SCG3: variants seen among roughly 807,000 people sequenced by gnomAD.
SCG3 encodes the protein secretogranin III.
A neutral mutation model predicts 56.2 loss-of-function variants in SCG3; 38 were observed. The observed-to-expected ratio is 0.68, with a 90% confidence interval of 0.52 to 0.89. SCG3 has a LOEUF of 0.89. SCG3 is among the 40% of genes least tolerant of loss of function. The probability of loss-of-function intolerance (pLI) is 0.00; values close to 1 mark genes in which losing one functional copy is unlikely to be tolerated. For missense variants in SCG3, 524 were observed against 540.7 expected (o/e 0.97, Z 0.31); for synonymous variants, 176 against 184.2 (o/e 0.96, Z 0.36).
At chr15:51,697,533 T>C (rs977944924) in intron 8 of SCG3, among the ~76,000 whole-genome samples, 2 of 152,206 alleles carry the variant, frequency 1.3e-5, no homozygotes, top group Non-Finnish European at 2.9e-5. Context: ...CACATGTAGC[T>C]AGTAGCTACC....
At position 51,716,065 on chromosome 15, in the gene SCG3, G is replaced by T. The variant is rs77934251; in HGVS notation, c.1288+2652G>T. Among the ~76,000 whole-genome samples the T allele has an allele frequency of 2.8e-3, 427 of 152,322 alleles. 15 individuals carry two copies. In the East Asian group the frequency reaches 0.064, roughly 23 times the overall value. On this transcript the variant is annotated intron_variant, in intron 11 of 11. Coordinates refer to ENST00000220478, the MANE Select transcript of SCG3 (RefSeq NM_013243.4). The stretch of plus-strand genomic sequence containing the variant: ...GTTGACATGGGGTTTCACCGTGTTA[G>T]CCTGGATGGCCTCAATCTCGTGACC...
rs192332045 is a variant in SCG3, at chr15:51,697,337, T to C, written c.985+1346T>C. On this transcript the variant is annotated intron_variant, in intron 8 of 11. Coordinates refer to ENST00000220478, the MANE Select transcript of SCG3 (RefSeq NM_013243.4). ...ATTCCACACTTAGTCAATTATCCTA[T>C]GGAAATAAATCAAAAATGCCTCAAA... Among the ~76,000 whole-genome samples, 12 of 152,280 alleles carry C rather than the reference T, an allele frequency of 7.9e-5. No individual in the cohort carries two copies. In the East Asian group the frequency reaches 2.1e-3, roughly 27 times the overall value.
At position 51,711,961 on chromosome 15, in the gene SCG3, G is replaced by A. The variant is rs555490948; in HGVS notation, c.1208-1372G>A. On this transcript the variant is annotated intron_variant, in intron 10 of 11. Coordinates refer to ENST00000220478, the MANE Select transcript of SCG3 (RefSeq NM_013243.4). ...AGAGTCACTTAGGTAAATACAGTGCGGGCAATTGGAACATGGGCAACTCTT... is the reference window on the plus strand; with the variant it reads ...AGAGTCACTTAGGTAAATACAGTGCAGGCAATTGGAACATGGGCAACTCTT... Among the ~76,000 whole-genome samples the A allele has an allele frequency of 7.9e-5, 12 of 152,224 alleles. No individual in the cohort carries two copies. The East Asian group carries it at 1.2e-3, about 15-fold the overall frequency.
At position 51,694,800 on chromosome 15, in the gene SCG3, G is replaced by A. The variant is rs182803025; in HGVS notation, c.869-1075G>A. Among the ~76,000 whole-genome samples the A allele has an allele frequency of 2.6e-4, 40 of 152,334 alleles. No homozygotes were observed. In the East Asian group the frequency reaches 6.9e-3, roughly 26 times the overall value. ...AATCCCCACACTTTGGGAGGCCAAG[G>A]AGGGCGGATCGCCTGAGGTCAGGAG... On this transcript the variant is annotated intron_variant, in intron 7 of 11. Transcript: ENST00000220478.
chr15:51,691,016 A>T (rs549826564), intron 6 of SCG3, among the ~76,000 whole-genome samples: 2 of 152,322 alleles, frequency 1.3e-5, no homozygotes, highest in East Asian at 3.9e-4. Context: ...GAGGAAAGAA[A>T]CATGGTTCTA....
At position 51,717,395 on chromosome 15, in the gene SCG3, T is replaced by C. The variant is rs1272439378; in HGVS notation, c.1289-2013T>C. Among the ~76,000 whole-genome samples the C allele has an allele frequency of 4.1e-5, 6 of 146,120 alleles. No homozygotes were observed. In the South Asian group the frequency reaches 1.3e-3, roughly 32 times the overall value. Reference sequence around the variant, plus strand: ...AAAAAAAAAAAAAATTAGCCAGGTGTGGTGGTGTGCGCTTGTAGTCCCAAG... The same window carrying C: ...AAAAAAAAAAAAAATTAGCCAGGTGCGGTGGTGTGCGCTTGTAGTCCCAAG... On this transcript the variant is annotated intron_variant, in intron 11 of 11. Coordinates refer to ENST00000220478, the MANE Select transcript of SCG3 (RefSeq NM_013243.4).
In SCG3 at chr15:51,713,423, A is replaced by C. The variant is rs2055433623; in HGVS notation, c.1288+10A>C. The C allele has an allele frequency of 6.4e-7, 1 of 1,563,916 alleles. No individual in the cohort carries two copies. Among genetic ancestry groups the C allele is most frequent in the African/African-American group, 1.4e-5 (1 of 72,742 alleles). ...AAGGGAAATAAAGAAGGTAGGACCA[A>C]GTGTGGTTGTACATTGCAAACTTCA... On this transcript the variant is annotated intron_variant, in intron 11 of 11. Coordinates refer to ENST00000220478, the MANE Select transcript of SCG3 (RefSeq NM_013243.4).
At chr15:51,692,828 C>T (rs566028508) in intron 7 of SCG3, among the ~76,000 whole-genome samples, 3 of 152,272 alleles carry the variant, frequency 2.0e-5, no homozygotes, top group Admixed American at 1.3e-4. Context: ...ATGAATCTAA[C>T]TAGTGTATCT....
chr15:51,700,516 T>G (rs1314554273), intron 9 of SCG3, among the ~76,000 whole-genome samples: 1 of 152,204 alleles, frequency 6.6e-6, no homozygotes, highest in African/African-American at 2.4e-5. Flanking sequence ...TCTCTTTTGA[T>G]AGCAAGAGTT....
rs1226607807 is a variant in SCG3 at position 51,683,008 on chromosome 15, T to C, written c.136-71T>C. 8 of 1,212,192 alleles carry C rather than the reference T, an allele frequency of 6.6e-6. No homozygotes were observed. In the African/African-American group the frequency reaches 7.6e-5, roughly 12 times the overall value. The allele number at this position is 1,212,192 out of a possible 1,614,324, so 75.1% of individuals were successfully genotyped here. On this transcript the variant is annotated intron_variant, in intron 2 of 11. Transcript: ENST00000220478. Reference sequence around the variant, plus strand: ...ATTAAATCCCATGGAGATTAAATCATTTGGCTCTTGTACTTGGTAAGTAGT... The same window carrying C: ...ATTAAATCCCATGGAGATTAAATCACTTGGCTCTTGTACTTGGTAAGTAGT...
chr15:51,706,389 C>T (rs1424986494), intron 10 of SCG3, among the ~76,000 whole-genome samples: 1 of 152,196 alleles, frequency 6.6e-6, no homozygotes, highest in African/African-American at 2.4e-5. Context: ...GCAAGTGCAA[C>T]ACAGGCCACA....
intron 5 of SCG3, 61 bp from the exon 6 acceptor site, chr15:51,689,158 T>C: frequency 1.3e-6 from 2 of 1,539,442 alleles, no homozygotes; most frequent in Non-Finnish European, 1.8e-6. Context: ...TAGTCCACAT[T>C]ATTTTTTAAT....
intron 1 of SCG3, 46 bp downstream of exon 1, chr15:51,681,883 C>G: frequency 1.3e-6 from 2 of 1,519,006 alleles, no homozygotes; most frequent in Non-Finnish European, 1.8e-6. Flanking sequence ...TATTTCGCCA[C>G]GAAAAGGTAA....
intron 8 of SCG3, among the ~76,000 whole-genome samples, 172 bp downstream of exon 8, chr15:51,696,163 G>C (rs2055302507): frequency 6.6e-6 from 1 of 152,086 alleles, no homozygotes; most frequent in African/African-American, 2.4e-5. Context: ...TTTTCAACTT[G>C]TCTTTATAGA....
intron 10 of SCG3, among the ~76,000 whole-genome samples, chr15:51,705,027 T>C (rs1172769993): frequency 6.6e-6 from 1 of 151,170 alleles, no homozygotes; most frequent in Non-Finnish European, 1.5e-5. Context: ...AGATGTGAGG[T>C]GGAGGATGAA....
chr15:51,704,244 C>CATATATATATATATATATAT (rs750951935), intron 10 of SCG3, among the ~76,000 whole-genome samples: 14 of 73,626 alleles, frequency 1.9e-4, no homozygotes, highest in East Asian at 5.2e-4. Flanking sequence ...TACATACATA[C>CATATATATATATATATATAT]ATATATATAT....
chr15:51,693,793 G>A lies in SCG3; in HGVS notation c.868+1457G>A, dbSNP rs779952901. 9.2e-5 allele frequency: 14 copies of A among 152,172 alleles called. No homozygotes were observed. In the East Asian group the frequency reaches 2.5e-3, roughly 27 times the overall value. The allele number at this position is 152,172 out of a possible 1,614,324, so 9.4% of individuals were successfully genotyped here. On this transcript the variant is annotated intron_variant, in intron 7 of 11. Transcript: ENST00000220478. ...ACCGGCCACTCTGCTGGCTCTGCAG[G>A]GCTTGTACATCTTGAGGGTCCATTC...
chr15:51,697,364 G>T (rs1440262353), intron 8 of SCG3, among the ~76,000 whole-genome samples: 2 of 152,140 alleles, frequency 1.3e-5, no homozygotes, highest in Admixed American at 6.5e-5. Context: ...TGCCTCAAAG[G>T]CTTATGTGCA....
At chr15:51,695,106 G>A (rs1322801915) in intron 7 of SCG3, among the ~76,000 whole-genome samples, 1 of 151,864 alleles carries the variant, frequency 6.6e-6, no homozygotes, top group Non-Finnish European at 1.5e-5. Context: ...GAGGGGATGA[G>A]GAAGAGAATA....
Sources: gnomAD v4.1 joint callset for allele counts (sites outside exome capture counted in the v4.1 genomes callset) on GRCh38, gnomAD v4.1.1 for gene constraint, MANE v1.5 for transcripts, NCBI Gene and HGNC (gene_info 2026-07-23, HGNC 2026-07-21) for gene names.